PGR: variants seen among roughly 807,000 people sequenced by gnomAD.
PGR encodes the protein nuclear receptor subfamily 3 group C member 3.
Under a neutral mutation model 76.1 loss-of-function variants are expected in PGR, and 25 were observed. The observed-to-expected ratio is 0.33, with a 90% CI of 0.24 to 0.46. The LOEUF is 0.46. Among genes scored for constraint, PGR ranks in the 20% least tolerant of loss-of-function variants. The pLI, the probability that PGR is intolerant of heterozygous loss-of-function variation, is 1.00. For synonymous variants in PGR, 579 were observed against 535.0 expected, an observed-to-expected ratio of 1.08 and a Z score of -1.14; for missense variants, 1,172 against 1,225.3, an observed-to-expected ratio of 0.96 and a Z score of 0.65.
chr11:101,100,782 A>G (rs890506519), intron 2 of PGR, among the ~76,000 whole-genome samples: 13 of 152,260 alleles, frequency 8.5e-5, no homozygotes, highest in South Asian at 8.3e-4. Flanking sequence ...TTATGCAACT[A>G]GAGGGTAGGT....
At chr11:101,070,421 C>G (rs1047316332) in intron 3 of PGR, among the ~76,000 whole-genome samples, 1 of 152,148 alleles carries the variant, frequency 6.6e-6, no homozygotes, top group Non-Finnish European at 1.5e-5. Context: ...AATGAACTAG[C>G]TGCAGGAGTT....
chr11:101,127,650 G>A lies in PGR; in HGVS notation c.1421C>T (p.Pro474Leu), dbSNP rs940858927. 7 of 1,439,868 alleles carry A rather than the reference G, an allele frequency of 4.9e-6. No homozygotes were observed. In the South Asian group the frequency reaches 7.3e-5, roughly 15 times the overall value. The allele number at this position is 1,439,868 out of a possible 1,614,324, so 89.2% of individuals were successfully genotyped here. ...CGCCTTGCAGGGCGGCGGCGCGAAC[G>A]GGCCCTGCTGGGGCGGCGCGCCCTC... Reference protein sequence around the residue: ...KAEGAPPQQGPFAPPPCKAPG... With the variant: ...KAEGAPPQQGLFAPPPCKAPG... The change falls in exon 1 of 8, where the codon CCG becomes CTG. Residue 474 changes from proline to leucine, a missense_variant. Coordinates refer to ENST00000325455, the MANE Select transcript of PGR (RefSeq NM_000926.4).
Position 101,128,383 on chromosome 11 carries a change from C to T in PGR, c.688G>A (p.Glu230Lys), listed in dbSNP as rs1482228418. The change falls in exon 1 of 8, where the codon GAG becomes AAG. Residue 230 changes from glutamate (E) to lysine (K), a missense_variant. This residue lies in a region of PGR where 893 missense variants were observed against 785.9 expected (regional missense o/e 1.14). Coordinates refer to ENST00000325455, the MANE Select transcript of PGR (RefSeq NM_000926.4). The stretch of plus-strand genomic sequence containing the variant: ...TTCAGAAGCGGACCCGCAGACTCCT[C>T]GGACTCAGAGCCATCCTCCTCCTCA... ...EVEEEDGSES[E>K]ESAGPLLKGK... 3 of 1,608,804 alleles carry T rather than the reference C, an allele frequency of 1.9e-6. No individual in the cohort carries two copies. Among genetic ancestry groups the T allele is most frequent in the Admixed American group, 1.7e-5 (1 of 60,010 alleles).
At chr11:101,051,694 AT>A in intron 4 of PGR, 126 bp from the exon 5 acceptor site, 1 of 708,064 alleles carries the variant, frequency 1.4e-6, no homozygotes, top group South Asian at 1.6e-5. Context: ...ATCCCAACAT[AT>A]TTTACACTGA....
intron 7 of PGR, 159 bp downstream of exon 7, chr11:101,041,786 A>AAG: frequency 1.6e-6 from 1 of 643,974 alleles, no homozygotes. Flanking sequence ...AATGAAAAAA[A>AAG]AACACAATAA....
intron 4 of PGR, among the ~76,000 whole-genome samples, chr11:101,053,517 C>A (rs1860169894): frequency 7.1e-6 from 1 of 141,780 alleles, no homozygotes; most frequent in Admixed American, 6.9e-5. Context: ...CCCTCCCCTT[C>A]TCCCTCCTTT....
intron 3 of PGR, among the ~76,000 whole-genome samples, chr11:101,090,479 C>T (rs1219393140): frequency 6.6e-6 from 1 of 152,206 alleles, no homozygotes; most frequent in Non-Finnish European, 1.5e-5. Context: ...TCAGGTCTTT[C>T]TTCTGGCTCC....
At chr11:101,061,401 G>T (rs1369095406) in intron 4 of PGR, among the ~76,000 whole-genome samples, 2 of 151,974 alleles carry the variant, frequency 1.3e-5, no homozygotes, top group East Asian at 3.8e-4. Context: ...CAACAAACAG[G>T]TATCTATTTT....
intron 2 of PGR, among the ~76,000 whole-genome samples, chr11:101,101,967 C>T (rs73573609): frequency 0.19 from 28,297 of 151,994 alleles, 3,216 homozygotes; most frequent in African/African-American, 0.32. Context: ...AACCGTTGGC[C>T]TGTGTAGGAT....
intron 3 of PGR, among the ~76,000 whole-genome samples, chr11:101,087,684 C>A (rs1166734360): frequency 6.6e-6 from 1 of 151,846 alleles, no homozygotes; most frequent in Non-Finnish European, 1.5e-5. Flanking sequence ...AACTATGCCT[C>A]CAACAAATGT....
intron 2 of PGR, among the ~76,000 whole-genome samples, chr11:101,109,876 T>C (rs1037210472): frequency 3.9e-5 from 6 of 152,226 alleles, no homozygotes; most frequent in African/African-American, 1.4e-4. Context: ...ACTCTCTTGT[T>C]AGGGGCTAAT....
At chr11:101,086,118 T>C (rs1861492421) in intron 3 of PGR, among the ~76,000 whole-genome samples, 1 of 152,176 alleles carries the variant, frequency 6.6e-6, no homozygotes, top group African/African-American at 2.4e-5. Flanking sequence ...ATCACCCTGA[T>C]ACCAAAACCT....
chr11:101,125,459 A>G (rs982768106), intron 2 of PGR, among the ~76,000 whole-genome samples: 4 of 152,228 alleles, frequency 2.6e-5, no homozygotes, highest in African/African-American at 9.6e-5. Flanking sequence ...GAACAAAAAG[A>G]GAATTCAAAA....
intron 4 of PGR, among the ~76,000 whole-genome samples, chr11:101,059,321 C>T (rs2135406216): frequency 6.6e-6 from 1 of 152,132 alleles, no homozygotes; most frequent in East Asian, 1.9e-4. Context: ...GTTTGGGTAT[C>T]TTCTCTCTGC....
At chr11:101,111,885 G>A (rs540439507) in intron 2 of PGR, among the ~76,000 whole-genome samples, 4 of 152,156 alleles carry the variant, frequency 2.6e-5, no homozygotes, top group Admixed American at 1.3e-4. Context: ...ATAAACAGAA[G>A]GGAAGAGGAC....
At chr11:101,056,247 C>CTG (rs1860287463) in intron 4 of PGR, among the ~76,000 whole-genome samples, 1 of 60,142 alleles carries the variant, frequency 1.7e-5, no homozygotes, top group Non-Finnish European at 3.7e-5. Context: ...AAAAAAAACA[C>CTG]TTTTCCTTTT....
At chr11:101,082,585 G>A (rs1056226413) in intron 3 of PGR, among the ~76,000 whole-genome samples, 1 of 152,182 alleles carries the variant, frequency 6.6e-6, no homozygotes, top group African/African-American at 2.4e-5. Context: ...TGGAGTAAAG[G>A]TCACTCTTGC....
At chr11:101,074,007 C>T (rs1303450825) in intron 3 of PGR, among the ~76,000 whole-genome samples, 1 of 151,918 alleles carries the variant, frequency 6.6e-6, no homozygotes, top group East Asian at 1.9e-4. Context: ...CACCAAAACC[C>T]GGCAGAGAAA....
At chr11:101,074,307 G>C (rs1172998410) in intron 3 of PGR, among the ~76,000 whole-genome samples, 2 of 152,128 alleles carry the variant, frequency 1.3e-5, no homozygotes, top group African/African-American at 4.8e-5. Flanking sequence ...CAATAAGCTA[G>C]GTATTGATGG....
Sources: gnomAD v4.1 joint callset for allele counts (sites outside exome capture counted in the v4.1 genomes callset) on GRCh38, gnomAD v4.1.1 for gene constraint, gnomAD v4.1.1 regional missense constraint, MANE v1.5 for transcripts, NCBI Gene and HGNC (gene_info 2026-07-23, HGNC 2026-07-21) for gene names.